Variants in RIMS2 observed in about 807,000 individuals in gnomAD.
RIMS2 encodes regulating synaptic membrane exocytosis protein 2.
In RIMS2, 59 loss-of-function variants were observed where a neutral mutation model predicts 174.4. The ratio of observed to expected loss-of-function variants is 0.34; its 90% CI spans 0.27 to 0.42. The LOEUF (loss-of-function observed/expected upper bound fraction) is 0.42, where lower values mean the gene tolerates loss of function less well. Among genes scored for constraint, RIMS2 ranks in the 10% least tolerant of loss-of-function variants. RIMS2 has a pLI of 1.00. For missense variants in RIMS2, 1,620 were observed against 1,666.3 expected (o/e 0.97, Z 0.48); for synonymous variants, 606 against 572.5 (o/e 1.06, Z -0.84).
At chr8:104,008,120 T>TA (rs1481961146) in intron 17 of RIMS2, among the ~76,000 whole-genome samples, 15 of 152,138 alleles carry the variant, frequency 9.9e-5, no homozygotes, top group Admixed American at 6.6e-5. Flanking sequence ...GATATACTTT[T>TA]AAAAATGTTT....
At chr8:103,572,579 CT>C (rs944261167) in intron 1 of RIMS2, among the ~76,000 whole-genome samples, 79 of 150,594 alleles carry the variant, frequency 5.2e-4, no homozygotes, top group Middle Eastern at 6.8e-3. Flanking sequence ...TTTTTTTTCA[CT>C]TTTTAATAAT....
At chr8:104,184,522 T>C (rs2098958111) in intron 19 of RIMS2, among the ~76,000 whole-genome samples, 1 of 151,588 alleles carries the variant, frequency 6.6e-6, no homozygotes, top group Admixed American at 6.6e-5. Context: ...ATAAGAAATA[T>C]GTCTTGCTTG....
intron 2 of RIMS2, among the ~76,000 whole-genome samples, chr8:103,722,774 T>C (rs2097469024): frequency 6.6e-6 from 1 of 152,218 alleles, no homozygotes; most frequent in Admixed American, 6.5e-5. Flanking sequence ...TTGCTGGGTC[T>C]TTCCAGGGCC....
At chr8:104,228,840 CA>C (rs2099206516) in intron 19 of RIMS2, among the ~76,000 whole-genome samples, 1 of 152,004 alleles carries the variant, frequency 6.6e-6, no homozygotes, top group African/African-American at 2.4e-5. Context: ...ATACCTTGTT[CA>C]AAAATAGCAC....
chr8:103,600,284 T>C (rs117466837), intron 1 of RIMS2, among the ~76,000 whole-genome samples: 9,925 of 152,208 alleles, frequency 0.065, 400 homozygotes, highest in South Asian at 0.086. Context: ...TCTTTCTTTT[T>C]TCTGAGACAG....
intron 3 of RIMS2, among the ~76,000 whole-genome samples, chr8:103,795,495 C>G (rs150679525): frequency 6.6e-6 from 1 of 151,932 alleles, no homozygotes; most frequent in Admixed American, 6.6e-5. Flanking sequence ...TGAGTTAATG[C>G]GTGCAGCACA....
intron 19 of RIMS2, among the ~76,000 whole-genome samples, chr8:104,215,279 T>C (rs1466987396): frequency 1.3e-5 from 2 of 152,202 alleles, no homozygotes; most frequent in Non-Finnish European, 2.9e-5. Context: ...CCATAAATGT[T>C]GTAATGAATA....
At chr8:103,757,813 G>A (rs1324029551) in intron 2 of RIMS2, among the ~76,000 whole-genome samples, 3 of 152,180 alleles carry the variant, frequency 2.0e-5, no homozygotes, top group Admixed American at 6.5e-5. Flanking sequence ...GAGAGAGTTC[G>A]AAGATGCTGT....
intron 17 of RIMS2, among the ~76,000 whole-genome samples, chr8:104,004,360 T>C (rs1365970961): frequency 1.3e-5 from 2 of 151,810 alleles, no homozygotes; most frequent in Non-Finnish European, 2.9e-5. Context: ...ACATAAAGAA[T>C]GAGAAAAGTG....
intron 19 of RIMS2, among the ~76,000 whole-genome samples, chr8:104,237,114 G>A (rs557974002): frequency 6.6e-6 from 1 of 152,080 alleles, no homozygotes; most frequent in East Asian, 1.9e-4. Context: ...CTTTAAGCAT[G>A]CTTATAAAGC....
intron 1 of RIMS2, among the ~76,000 whole-genome samples, chr8:103,615,033 T>G (rs958103592): frequency 1.3e-5 from 2 of 152,238 alleles, no homozygotes; most frequent in Non-Finnish European, 2.9e-5. Context: ...CTTTTAATTA[T>G]GTTTATATTA....
At chr8:103,791,408 C>T (rs990390122) in intron 3 of RIMS2, among the ~76,000 whole-genome samples, 2 of 152,286 alleles carry the variant, frequency 1.3e-5, no homozygotes, top group East Asian at 3.9e-4. Context: ...CTTACAAGAG[C>T]TCCTGAAGGA....
chr8:103,765,195 T>G (rs571641796), intron 2 of RIMS2, among the ~76,000 whole-genome samples: 1 of 152,314 alleles, frequency 6.6e-6, no homozygotes, highest in African/African-American at 2.4e-5. Context: ...ACTTGAATTA[T>G]GAACGGTTAT....
chr8:103,694,412 T>C (rs117094447), intron 1 of RIMS2, among the ~76,000 whole-genome samples: 8,192 of 151,962 alleles, frequency 0.054, 314 homozygotes, highest in Non-Finnish European at 0.078. Context: ...GTGTGATGGC[T>C]TGATGACTAG....
chr8:104,099,914 C>T (rs1038373217), intron 19 of RIMS2, among the ~76,000 whole-genome samples: 1 of 151,630 alleles, frequency 6.6e-6, no homozygotes, highest in African/African-American at 2.4e-5. Context: ...TCTCCCCAGG[C>T]TCAGGTGATC....
At chr8:104,235,194 A>C (rs2099251961) in intron 19 of RIMS2, among the ~76,000 whole-genome samples, 1 of 152,136 alleles carries the variant, frequency 6.6e-6, no homozygotes, top group Non-Finnish European at 1.5e-5. Context: ...TTGGACATGC[A>C]AGGAGAACCT....
rs563881726 is a variant in RIMS2 at position 103,897,026 on chromosome 8, C to T, written c.1624+10803C>T. On this transcript the variant is annotated intron_variant, in intron 4 of 23. Transcript: ENST00000504942. ...TGTTCAAGGACCATCCAAAGAGCCCCGTTACCCAAAGGGCTTTAAAGCATG... is the reference window on the plus strand; with the variant it reads ...TGTTCAAGGACCATCCAAAGAGCCCTGTTACCCAAAGGGCTTTAAAGCATG... Among the ~76,000 whole-genome samples, 20 of 151,736 alleles carry T rather than the reference C, an allele frequency of 1.3e-4. No homozygotes were observed. In the South Asian group the frequency reaches 3.5e-3, roughly 27 times the overall value.
chr8:103,805,069 C>T (rs2098641085), intron 3 of RIMS2, among the ~76,000 whole-genome samples: 1 of 152,040 alleles, frequency 6.6e-6, no homozygotes, highest in Non-Finnish European at 1.5e-5. Flanking sequence ...GCTGGCATTA[C>T]AGGATGAACC....
intron 1 of RIMS2, among the ~76,000 whole-genome samples, chr8:103,525,172 A>G (rs1833361194): frequency 6.6e-6 from 1 of 152,198 alleles, no homozygotes; most frequent in African/African-American, 2.4e-5. Context: ...AATAACATCA[A>G]GACTCTTCTT....
Sources: gnomAD v4.1 joint callset for allele counts (sites outside exome capture counted in the v4.1 genomes callset) on GRCh38, gnomAD v4.1.1 for gene constraint, MANE v1.5 for transcripts, NCBI Gene and HGNC (gene_info 2026-07-23, HGNC 2026-07-21) for gene names.